The following DPYD variants were observed in gnomAD, a reference collection of about 807,000 sequenced individuals.
DPYD encodes dihydropyrimidine dehydrogenase.
In DPYD, 109 loss-of-function variants were observed where a neutral mutation model predicts 116.2. That is an observed-to-expected ratio of 0.94 (90% CI 0.80 to 1.10). The LOEUF (loss-of-function observed/expected upper bound fraction) is 1.10, where lower values mean the gene tolerates loss of function less well. Among genes scored for constraint, DPYD ranks in the 50% least tolerant of loss-of-function variants. The pLI is 0.00. For synonymous variants in DPYD, 440 were observed against 432.0 expected (o/e 1.02, Z -0.23); for missense variants, 1,302 against 1,254.5 (o/e 1.04, Z -0.57).
At chr1:97,216,054 T>A (rs914967275) in intron 19 of DPYD, among the ~76,000 whole-genome samples, 10 of 152,242 alleles carry the variant, frequency 6.6e-5, no homozygotes. Flanking sequence ...CCTGCTTTTT[T>A]GTGTGTGCTT....
intron 2 of DPYD, among the ~76,000 whole-genome samples, chr1:97,863,184 G>A (rs938454331): frequency 5.9e-5 from 9 of 151,774 alleles, no homozygotes; most frequent in Non-Finnish European, 1.2e-4. Flanking sequence ...ACATGACCTA[G>A]GCCACAGATT....
chr1:97,868,160 C>A (rs569862171), intron 2 of DPYD, among the ~76,000 whole-genome samples: 1 of 150,414 alleles, frequency 6.6e-6, no homozygotes, highest in East Asian at 2.0e-4. Flanking sequence ...ACAAATGTTT[C>A]CAAGGAGTTA....
intron 13 of DPYD, among the ~76,000 whole-genome samples, chr1:97,454,666 AT>A (rs1163370343): frequency 6.6e-6 from 1 of 151,932 alleles, no homozygotes; most frequent in Non-Finnish European, 1.5e-5. Context: ...TGAAGTGATG[AT>A]AATGATTTTT....
intron 3 of DPYD, among the ~76,000 whole-genome samples, chr1:97,813,751 AC>A (rs1668438558): frequency 6.6e-6 from 1 of 152,122 alleles, no homozygotes; most frequent in Non-Finnish European, 1.5e-5. Flanking sequence ...AATTTCCTAG[AC>A]CCCTTGGGAA....
intron 20 of DPYD, among the ~76,000 whole-genome samples, chr1:97,175,429 T>C (rs555925189): frequency 6.6e-6 from 1 of 152,314 alleles, no homozygotes; most frequent in South Asian, 2.1e-4. Flanking sequence ...GACATATAAG[T>C]TGATTATGAC....
At chr1:97,276,655 T>G (rs1664944609) in intron 18 of DPYD, among the ~76,000 whole-genome samples, 1 of 141,208 alleles carries the variant, frequency 7.1e-6, no homozygotes, top group South Asian at 2.2e-4. Flanking sequence ...TCAACAAATG[T>G]GACACAGCAA....
chr1:97,645,400 T>G (rs1658198574), intron 8 of DPYD, among the ~76,000 whole-genome samples: 1 of 152,140 alleles, frequency 6.6e-6, no homozygotes, highest in African/African-American at 2.4e-5. Context: ...TCATTTTAAT[T>G]TCCTTTTTTG....
chr1:97,544,504 A>T (rs1367793524), intron 12 of DPYD, among the ~76,000 whole-genome samples: 1 of 152,140 alleles, frequency 6.6e-6, no homozygotes, highest in Non-Finnish European at 1.5e-5. Flanking sequence ...TTTAAAGCAC[A>T]TGCATGTTTT....
At chr1:97,823,611 C>CT (rs1669078834) in intron 3 of DPYD, among the ~76,000 whole-genome samples, 1 of 151,994 alleles carries the variant, frequency 6.6e-6, no homozygotes, top group Non-Finnish European at 1.5e-5. Context: ...CTGTGATTAG[C>CT]TTATTTCACT....
intron 8 of DPYD, among the ~76,000 whole-genome samples, chr1:97,645,235 G>A (rs1318277208): frequency 6.6e-6 from 1 of 152,052 alleles, no homozygotes; most frequent in South Asian, 2.1e-4. Flanking sequence ...AGGTGGAATT[G>A]ATGGTTTTAT....
chr1:97,733,033 ATAGG>A (rs963767777), intron 4 of DPYD, among the ~76,000 whole-genome samples: 4 of 152,156 alleles, frequency 2.6e-5, no homozygotes, highest in African/African-American at 4.8e-5. Flanking sequence ...TTACATATAG[ATAGG>A]TAGGACAAAG....
At chr1:97,705,896 A>AT (rs1375990315) in intron 5 of DPYD, among the ~76,000 whole-genome samples, 2 of 151,752 alleles carry the variant, frequency 1.3e-5, no homozygotes, top group African/African-American at 4.8e-5. Context: ...GATGATGAGC[A>AT]TTTTTTCATG....
chr1:97,323,310 A>ATG (rs1234871194), intron 16 of DPYD, among the ~76,000 whole-genome samples: 10 of 146,366 alleles, frequency 6.8e-5, no homozygotes, highest in African/African-American at 2.3e-4. Flanking sequence ...ATGTACACGT[A>ATG]TATATACATA....
chr1:97,193,742 T>C (rs1460535376), intron 19 of DPYD, among the ~76,000 whole-genome samples: 1 of 152,152 alleles, frequency 6.6e-6, no homozygotes, highest in Non-Finnish European at 1.5e-5. Flanking sequence ...TCTGCTATTG[T>C]TCTCCTTGTT....
At chr1:97,785,128 AC>A (rs1316125949) in intron 3 of DPYD, among the ~76,000 whole-genome samples, 4 of 152,298 alleles carry the variant, frequency 2.6e-5, no homozygotes, top group South Asian at 4.1e-4. Flanking sequence ...GCTAATACAA[AC>A]TTTTATTTGT....
chr1:97,473,230 C>T (rs1455894483), intron 13 of DPYD, among the ~76,000 whole-genome samples: 1 of 152,172 alleles, frequency 6.6e-6, no homozygotes, highest in Non-Finnish European at 1.5e-5. Context: ...TACAGTAGTA[C>T]TTGTCTTTCT....
chr1:97,284,235 CTTTTA>C (rs1557998057), intron 18 of DPYD, among the ~76,000 whole-genome samples: 1 of 151,960 alleles, frequency 6.6e-6, no homozygotes, highest in Non-Finnish European at 1.5e-5. Context: ...TTTGTCTTGA[CTTTTA>C]TTTTAATGGA....
intron 8 of DPYD, among the ~76,000 whole-genome samples, chr1:97,628,367 T>A (rs770102100): frequency 2.6e-5 from 4 of 152,114 alleles, no homozygotes; most frequent in Non-Finnish European, 5.9e-5. Context: ...CCACTCAGTA[T>A]ACACAGTGAT....
chr1:97,783,220 G>A (rs1300357400), intron 3 of DPYD, among the ~76,000 whole-genome samples: 2 of 152,128 alleles, frequency 1.3e-5, no homozygotes, highest in African/African-American at 4.8e-5. Context: ...TAGTTGTACA[G>A]GAATAGGTAT....
Sources: gnomAD v4.1 joint callset for allele counts (sites outside exome capture counted in the v4.1 genomes callset) on GRCh38, gnomAD v4.1.1 for gene constraint, MANE v1.5 for transcripts, NCBI Gene and HGNC (gene_info 2026-07-23, HGNC 2026-07-21) for gene names.